The following TRIM3 variants were observed in gnomAD, a reference collection of about 807,000 sequenced individuals.
The protein encoded by TRIM3 is tripartite motif containing 3.
Under a neutral mutation model 66.6 loss-of-function variants are expected in TRIM3, and 13 were observed. That is an observed-to-expected ratio of 0.20 (90% confidence interval 0.13 to 0.31). The LOEUF (loss-of-function observed/expected upper bound fraction) is 0.31. TRIM3 is among the 10% of genes least tolerant of loss of function. TRIM3 has a pLI of 1.00. For synonymous variants in TRIM3, 406 were observed against 411.7 expected, an observed-to-expected ratio of 0.99 and a Z score of 0.17; for missense variants, 711 against 1,020.4, an observed-to-expected ratio of 0.70 and a Z score of 4.13.
At position 6,450,526 on chromosome 11, in the gene TRIM3, T is replaced by C. The variant is rs746225488; in HGVS notation, c.1941+25A>G. The C allele has an allele frequency of 1.2e-6, 2 of 1,604,674 alleles. No homozygotes were observed. The highest frequency in any genetic ancestry group is 2.2e-5 in the South Asian group (2 of 90,918). ...AGAGGAAAGGATGTTGGGACAGTGG[T>C]CACGGAGGGAGGGAAGACACTGACC... On this transcript the variant is annotated intron_variant, in intron 10 of 11. Coordinates refer to ENST00000345851, the MANE Select transcript of TRIM3 (RefSeq NM_033278.4). The surrounding 1 kb of genome is among the most constrained non-coding windows in gnomAD (Gnocchi z 4.8).
intron 2 of TRIM3, among the ~76,000 whole-genome samples, chr11:6,459,039 A>C (rs1422360804): frequency 2.6e-5 from 4 of 152,236 alleles, no homozygotes; most frequent in Non-Finnish European, 4.4e-5. Context: ...AAGGAATGAT[A>C]GAAAGTGATA....
At position 6,449,164 on chromosome 11, in the gene TRIM3, C is replaced by G; in HGVS notation, c.2099G>C (p.Gly700Ala). Residue 700 changes from glycine to alanine, a missense_variant, in exon 12 of 12, where the codon GGC becomes GCC. Gly to Ala is a moderately conservative substitution (Grantham distance 60). Around this residue, in one of 3 missense-constraint regions of TRIM3, gnomAD observed 163 missense variants for 321.9 expected, o/e 0.51. Coordinates refer to ENST00000345851, the MANE Select transcript of TRIM3 (RefSeq NM_033278.4). The surrounding 1 kb of genome is among the most constrained non-coding windows in gnomAD (Gnocchi z 5.3). Reference protein sequence around the residue: ...NSRIQVFDSSGSFLSYINTSA... With the variant: ...NSRIQVFDSSASFLSYINTSA... Reference sequence around the variant, plus strand: ...TGTGTTGATATAGGACAGGAAGGAGCCAGAGCTGTCGAATACCTGGGGAAG... The same window carrying G: ...TGTGTTGATATAGGACAGGAAGGAGGCAGAGCTGTCGAATACCTGGGGAAG... The G allele has an allele frequency of 1.2e-6, 2 of 1,614,048 alleles. No individual in the cohort carries two copies.
At chr11:6,451,849 G>T (rs2134160342) in intron 7 of TRIM3, 1 of 174,730 alleles carries the variant, frequency 5.7e-6, no homozygotes. Flanking sequence ...GGAGCACCCA[G>T]GTGAACAAAA....
intron 2 of TRIM3, among the ~76,000 whole-genome samples, chr11:6,465,086 G>A (rs1303930544): frequency 6.0e-5 from 9 of 151,126 alleles, no homozygotes; most frequent in Admixed American, 2.6e-4. Context: ...CATAGTAGTT[G>A]CTCAATAAAT....
rs1035430942 is a variant in TRIM3, at chr11:6,455,508, G to A, written c.1533+564C>T. On this transcript the variant is annotated intron_variant, in intron 7 of 11. Transcript: ENST00000345851. ...AGCAGAAACCATGTTCATTCAGTGC[G>A]GTTGATGCCATAATCAGGTGTATGA... Among the ~76,000 whole-genome samples the A allele has an allele frequency of 9.9e-5, 15 of 152,186 alleles. No homozygotes were observed. The East Asian group carries it at 1.2e-3, about 12-fold the overall frequency.
At chr11:6,453,699 T>C (rs1323754709) in intron 7 of TRIM3, among the ~76,000 whole-genome samples, 3 of 152,228 alleles carry the variant, frequency 2.0e-5, no homozygotes, top group African/African-American at 7.2e-5. Context: ...GGACATAATA[T>C]ATACAAATCA....
At position 6,450,513 on chromosome 11, in the gene TRIM3, G is replaced by A. The variant is rs1590812836; in HGVS notation, c.1941+38C>T. On this transcript the variant is annotated intron_variant, in intron 10 of 11. Transcript: ENST00000345851. The surrounding 1 kb of genome is among the most constrained non-coding windows in gnomAD (Gnocchi z 4.8). ...GGAGTCTTGTGGAAGAGGAAAGGAT[G>A]TTGGGACAGTGGTCACGGAGGGAGG... 5 of 1,570,910 alleles carry A rather than the reference G, an allele frequency of 3.2e-6. No homozygotes were observed. Among genetic ancestry groups the A allele is most frequent in the Non-Finnish European group, 8.8e-7 (1 of 1,140,474 alleles).
intron 1 of TRIM3, among the ~76,000 whole-genome samples, chr11:6,466,187 C>T (rs1260791535): frequency 6.6e-6 from 1 of 152,174 alleles, no homozygotes; most frequent in Non-Finnish European, 1.5e-5. Flanking sequence ...GCAGCTCTTC[C>T]ATTTATACCC....
Position 6,456,817 on chromosome 11 carries a change from G to C in TRIM3, c.909C>G (p.Asp303Glu), listed in dbSNP as rs769302628. Residue 303 changes from aspartate to glutamate, a missense_variant, in exon 6 of 12, where the codon GAC becomes GAG. Around this residue, in one of 3 missense-constraint regions of TRIM3, gnomAD observed 399 missense variants for 458.1 expected, o/e 0.87. Transcript: ENST00000345851. This position sits in a 1 kb window ranked among gnomAD's most constrained non-coding sequence, Gnocchi z 6.4. ...NAQLELVLEV[D>E]GLRRSVLNLG... The stretch of plus-strand genomic sequence containing the variant: ...GATTGAGCACCGATCGCCGCAGACC[G>C]TCCACCTCAAGGACCAGTTCCAGCT... The C allele has an allele frequency of 6.2e-7, 1 of 1,612,680 alleles. No individual in the cohort carries two copies. Among genetic ancestry groups the C allele is most frequent in the African/African-American group, 1.3e-5 (1 of 74,946 alleles).
chr11:6,448,714 G>C lies in TRIM3; in HGVS notation c.*314C>G. 1.6e-6 allele frequency: 1 copy of C among 608,410 alleles called. No individual in the cohort carries two copies. The highest frequency in any genetic ancestry group is 2.9e-6 in the Non-Finnish European group (1 of 341,920). 37.7% of individuals were successfully genotyped at this position (608,410 alleles called of 1,614,324 possible). On this transcript the variant is annotated 3_prime_UTR_variant, in exon 12 of 12. Transcript: ENST00000345851. Reference sequence around the variant, plus strand: ...ACAACTAGAGGGACTCCTGTCCTGGGGTAGGCTGTTCTGGCCCCAGGCTGG... The same window carrying C: ...ACAACTAGAGGGACTCCTGTCCTGGCGTAGGCTGTTCTGGCCCCAGGCTGG...
At chr11:6,459,485 T>A (rs1033504375) in intron 2 of TRIM3, among the ~76,000 whole-genome samples, 2 of 152,208 alleles carry the variant, frequency 1.3e-5, no homozygotes, top group African/African-American at 4.8e-5. Flanking sequence ...TAAGTGCATA[T>A]GTGCCAGGTG....
chr11:6,467,463 C>T (rs1362262013), intron 1 of TRIM3, among the ~76,000 whole-genome samples: 2 of 152,234 alleles, frequency 1.3e-5, no homozygotes, highest in South Asian at 2.1e-4. Context: ...ACCTTATAAC[C>T]GCCATTAAGA....
chr11:6,450,195 G>A lies in TRIM3; in HGVS notation c.1941+356C>T, dbSNP rs1849663683. On this transcript the variant is annotated intron_variant, in intron 10 of 11. Transcript: ENST00000345851. The surrounding 1 kb of genome is among the most constrained non-coding windows in gnomAD (Gnocchi z 4.8). ...TTCCATTTAATTCCCACTTGTGCTT[G>A]AGGTCCTCCTCATATAGTCTTTCCT... is the stretch of plus-strand genomic sequence containing the variant. The A allele has an allele frequency of 4.5e-6, 1 of 221,296 alleles. No individual in the cohort carries two copies. Among genetic ancestry groups the A allele is most frequent in the South Asian group, 1.3e-4 (1 of 7,674 alleles). The allele number at this position is 221,296 out of a possible 1,614,324, so 13.7% of individuals were successfully genotyped here.
intron 1 of TRIM3, among the ~76,000 whole-genome samples, chr11:6,470,502 C>G (rs1437582014): frequency 6.6e-6 from 1 of 152,192 alleles, no homozygotes; most frequent in East Asian, 1.9e-4. Flanking sequence ...CTCCTGGGCT[C>G]AACTAATCCT....
intron 1 of TRIM3, chr11:6,473,307 A>G (rs1456956427): frequency 7.1e-6 from 1 of 141,724 alleles, no homozygotes; most frequent in Non-Finnish European, 1.5e-5. Context: ...CATGGGGAGG[A>G]AAGGGTGTCC....
chr11:6,463,941 G>T (rs1744553644), intron 2 of TRIM3, among the ~76,000 whole-genome samples: 1 of 152,208 alleles, frequency 6.6e-6, no homozygotes, highest in African/African-American at 2.4e-5. Context: ...ATCTCAAAGA[G>T]CAGGGCTGGC....
chr11:6,463,061 C>T (rs112670582), intron 2 of TRIM3, among the ~76,000 whole-genome samples: 62 of 150,884 alleles, frequency 4.1e-4, no homozygotes, highest in African/African-American at 1.4e-3. Flanking sequence ...AAAAATTAAC[C>T]GGATGTGGTG....
chr11:6,451,600 G>T, intron 7 of TRIM3, 162 bp from the exon 8 acceptor site: 2 of 691,100 alleles, frequency 2.9e-6, no homozygotes, highest in Non-Finnish European at 2.4e-6. Flanking sequence ...CAGGTCTGGG[G>T]CAATGCAACA....
chr11:6,472,665 C>T (rs1180948100), intron 1 of TRIM3, among the ~76,000 whole-genome samples: 2 of 152,228 alleles, frequency 1.3e-5, no homozygotes, highest in Non-Finnish European at 2.9e-5. Flanking sequence ...TACAGGAGAG[C>T]TCTGTTTAAA....
Sources: gnomAD v4.1 joint callset for allele counts (sites outside exome capture counted in the v4.1 genomes callset) on GRCh38, gnomAD v4.1.1 for gene constraint, gnomAD v4.1.1 regional missense constraint, Gnocchi (gnomAD v3.1) non-coding constraint, MANE v1.5 for transcripts, NCBI Gene and HGNC (gene_info 2026-07-23, HGNC 2026-07-21) for gene names.